The following TRAPPC9 variants were observed in gnomAD, a reference collection of about 807,000 sequenced individuals.
The protein encoded by TRAPPC9 is trafficking protein particle complex subunit 9.
Under a neutral mutation model 124.0 loss-of-function variants are expected in TRAPPC9, and 83 were observed. That is an observed-to-expected ratio of 0.67 (90% confidence interval 0.56 to 0.80). The LOEUF (loss-of-function observed/expected upper bound fraction) is 0.80. Among genes scored for constraint, TRAPPC9 ranks in the 30% least tolerant of loss-of-function variants. TRAPPC9 has a pLI of 0.00. For synonymous variants in TRAPPC9, 638 were observed against 617.5 expected, an observed-to-expected ratio of 1.03 and a Z score of -0.49; for missense variants, 1,302 against 1,508.3, an observed-to-expected ratio of 0.86 and a Z score of 2.27.
At chr8:140,394,777 C>A (rs1203584760) in intron 7 of TRAPPC9, among the ~76,000 whole-genome samples, 1 of 152,102 alleles carries the variant, frequency 6.6e-6, no homozygotes, top group Non-Finnish European at 1.5e-5. Context: ...TACACCCAGT[C>A]TCTCTGCTCA....
chr8:140,354,638 G>A (rs1021609084), intron 9 of TRAPPC9, among the ~76,000 whole-genome samples: 9 of 152,162 alleles, frequency 5.9e-5, no homozygotes, highest in African/African-American at 1.4e-4. Context: ...CTGGGGTCAC[G>A]TTTTTCCATT....
chr8:139,854,084 C>T, intron 21 of TRAPPC9, among the ~76,000 whole-genome samples: 1 of 152,186 alleles, frequency 6.6e-6, no homozygotes, highest in Non-Finnish European at 1.5e-5. Context: ...ATTAACACAT[C>T]TGACCACGTT....
chr8:140,369,764 C>A (rs966601902), intron 8 of TRAPPC9, among the ~76,000 whole-genome samples: 4 of 152,058 alleles, frequency 2.6e-5, no homozygotes, highest in Non-Finnish European at 4.4e-5. Context: ...CCAGCCTGGC[C>A]AACATGGTGA....
intron 21 of TRAPPC9, among the ~76,000 whole-genome samples, chr8:139,785,537 AACAC>A (rs57202244): frequency 0.086 from 11,824 of 138,176 alleles, 530 homozygotes; most frequent in East Asian, 0.16. Flanking sequence ...ATCTCTACTA[AACAC>A]ACACACACAC....
chr8:140,343,953 C>A (rs1384691223), intron 9 of TRAPPC9, among the ~76,000 whole-genome samples: 9 of 152,136 alleles, frequency 5.9e-5, no homozygotes, highest in Non-Finnish European at 1.3e-4. Flanking sequence ...CAAGCCGAGA[C>A]AGAGTGGAGG....
intron 18 of TRAPPC9, among the ~76,000 whole-genome samples, chr8:139,994,519 C>A (rs1271315270): frequency 6.6e-6 from 1 of 152,182 alleles, no homozygotes; most frequent in Admixed American, 6.5e-5. Context: ...ATGCTCACGA[C>A]GGCTATGGTA....
chr8:140,359,973 GT>G (rs2067893279), intron 9 of TRAPPC9, 76 bp downstream of exon 9: 2 of 1,602,178 alleles, frequency 1.2e-6, no homozygotes, highest in Admixed American at 3.3e-5. Context: ...CAAGCCCAGG[GT>G]TTACATGAAC....
At position 139,788,210 on chromosome 8, in the gene TRAPPC9, G is replaced by A. The variant is rs892875278; in HGVS notation, c.3056-56008C>T. On this transcript the variant is annotated intron_variant, in intron 21 of 22. Coordinates refer to ENST00000438773, the MANE Select transcript of TRAPPC9 (RefSeq NM_001160372.4). This position sits in a 1 kb window ranked among gnomAD's most constrained non-coding sequence, Gnocchi z 4.9. The stretch of plus-strand genomic sequence containing the variant: ...CATGCCCCTCTTGGCGCCTGGCAGG[G>A]CAGCCCCTCCTGTGGCCCAGGACTC... Among the ~76,000 whole-genome samples, 1 of 152,222 alleles carries A rather than the reference G, an allele frequency of 6.6e-6. No homozygotes were observed. The highest frequency in any genetic ancestry group is 6.5e-5 in the Admixed American group (1 of 15,284).
chr8:140,358,671 C>T (rs1401966565), intron 9 of TRAPPC9, among the ~76,000 whole-genome samples: 1 of 152,152 alleles, frequency 6.6e-6, no homozygotes. Flanking sequence ...CAGAGAAGCA[C>T]GAAATTTGGG....
At chr8:140,457,160 T>C (rs1468722335) in intron 1 of TRAPPC9, among the ~76,000 whole-genome samples, 2 of 152,208 alleles carry the variant, frequency 1.3e-5, no homozygotes, top group African/African-American at 4.8e-5. Context: ...GCGTGGGCTG[T>C]GCTGGGCCCC....
intron 21 of TRAPPC9, among the ~76,000 whole-genome samples, chr8:139,852,424 G>A (rs1187398114): frequency 6.6e-6 from 1 of 152,062 alleles, no homozygotes; most frequent in Non-Finnish European, 1.5e-5. Flanking sequence ...CTTCCCCACT[G>A]GACAGGAGGC....
chr8:139,731,347 G>T, intron 22 of TRAPPC9, 119 bp from the exon 23 acceptor site: 1 of 1,244,356 alleles, frequency 8.0e-7, no homozygotes, highest in Non-Finnish European at 1.1e-6. Flanking sequence ...GGGCCGCCCA[G>T]GCCTGGCTCC....
intron 7 of TRAPPC9, among the ~76,000 whole-genome samples, chr8:140,396,388 G>A (rs1208953604): frequency 4.0e-5 from 6 of 151,856 alleles, no homozygotes; most frequent in Admixed American, 1.3e-4. Flanking sequence ...TGATCTGCCC[G>A]CCTCAGCCTC....
intron 21 of TRAPPC9, among the ~76,000 whole-genome samples, chr8:139,780,663 A>C (rs1821749473): frequency 6.6e-6 from 1 of 152,200 alleles, no homozygotes; most frequent in Non-Finnish European, 1.5e-5. Context: ...TCAGTGAAAG[A>C]AAGAACTGGT....
At chr8:139,978,581 G>C (rs1352818905) in intron 19 of TRAPPC9, among the ~76,000 whole-genome samples, 1 of 152,318 alleles carries the variant, frequency 6.6e-6, no homozygotes, top group East Asian at 1.9e-4. Flanking sequence ...AAAATCCACC[G>C]AGCATTGCTG....
At chr8:140,249,989 C>A (rs1226326891) in intron 16 of TRAPPC9, among the ~76,000 whole-genome samples, 2 of 152,258 alleles carry the variant, frequency 1.3e-5, no homozygotes, top group Non-Finnish European at 1.5e-5. Context: ...CATTATCATA[C>A]TCGATATATT....
intron 17 of TRAPPC9, among the ~76,000 whole-genome samples, chr8:140,145,029 G>A (rs866115154): frequency 2.6e-4 from 39 of 150,648 alleles, no homozygotes; most frequent in Admixed American, 8.0e-4. Flanking sequence ...GGCGTGTGCC[G>A]TCACACCCAG....
chr8:139,912,687 T>G (rs1295741047), intron 19 of TRAPPC9, among the ~76,000 whole-genome samples: 1 of 152,228 alleles, frequency 6.6e-6, no homozygotes, highest in Non-Finnish European at 1.5e-5. Context: ...AAAATGCCAC[T>G]TCACTGATGT....
intron 17 of TRAPPC9, chr8:140,082,065 A>G (rs1031758617): frequency 6.6e-6 from 1 of 152,252 alleles, no homozygotes; most frequent in African/African-American, 2.4e-5. Context: ...ATCAAATTGA[A>G]GCGTGCTTAA....
Sources: gnomAD v4.1 joint callset for allele counts (sites outside exome capture counted in the v4.1 genomes callset) on GRCh38, gnomAD v4.1.1 for gene constraint, Gnocchi (gnomAD v3.1) non-coding constraint, MANE v1.5 for transcripts, NCBI Gene and HGNC (gene_info 2026-07-23, HGNC 2026-07-21) for gene names.